Variants in DLGAP2 observed in about 807,000 individuals in gnomAD.
DLGAP2 encodes disks large-associated protein 2.
A neutral mutation model predicts 100.3 loss-of-function variants in DLGAP2; 26 were observed. That is an observed-to-expected ratio of 0.26 (90% CI 0.19 to 0.36). DLGAP2 has a LOEUF of 0.36. Ranked by LOEUF, DLGAP2 falls within the 10% of genes least tolerant of loss-of-function variation. The pLI is 1.00. For missense variants in DLGAP2, 1,858 were observed against 1,453.2 expected (o/e 1.28, Z -4.53); for synonymous variants, 886 against 630.1 (o/e 1.41, Z -6.08).
At chr8:1,302,875 G>A (rs1175473959) in intron 3 of DLGAP2, among the ~76,000 whole-genome samples, 2 of 152,246 alleles carry the variant, frequency 1.3e-5, no homozygotes, top group Non-Finnish European at 2.9e-5. Flanking sequence ...CAGCGCTTAG[G>A]TACTTTCCAA....
intron 3 of DLGAP2, among the ~76,000 whole-genome samples, chr8:1,315,161 A>G (rs1235240631): frequency 2.0e-5 from 3 of 152,248 alleles, no homozygotes; most frequent in Non-Finnish European, 4.4e-5. Context: ...GAAAGTCAAG[A>G]AATAACTTGC....
At chr8:1,443,324 T>A (rs1797892714) in intron 3 of DLGAP2, among the ~76,000 whole-genome samples, 1 of 152,190 alleles carries the variant, frequency 6.6e-6, no homozygotes, top group Admixed American at 6.5e-5. Context: ...CATTTGGATG[T>A]TAATACTTCC....
intron 1 of DLGAP2, among the ~76,000 whole-genome samples, chr8:868,178 T>C (rs1797532982): frequency 6.6e-6 from 1 of 152,104 alleles, no homozygotes; most frequent in South Asian, 2.1e-4. Flanking sequence ...GAGTAAAGGG[T>C]TTATGAGAGG....
intron 2 of DLGAP2, among the ~76,000 whole-genome samples, chr8:1,196,739 T>C (rs1797760542): frequency 6.6e-6 from 1 of 152,182 alleles, no homozygotes; most frequent in Non-Finnish European, 1.5e-5. Context: ...CTCCAGTAGC[T>C]GCAGTAGGAG....
intron 2 of DLGAP2, among the ~76,000 whole-genome samples, chr8:1,165,046 G>A (rs968200181): frequency 3.9e-5 from 6 of 151,964 alleles, no homozygotes; most frequent in Non-Finnish European, 5.9e-5. Context: ...CCGGGGTCCT[G>A]GCTAAAGATT....
intron 3 of DLGAP2, among the ~76,000 whole-genome samples, chr8:1,413,799 A>C (rs1796800324): frequency 6.6e-6 from 1 of 152,282 alleles, no homozygotes; most frequent in Non-Finnish European, 1.5e-5. Context: ...AAGCTCCATC[A>C]GTGCACACAC....
intron 4 of DLGAP2, among the ~76,000 whole-genome samples, chr8:1,508,056 C>T (rs933970765): frequency 3.9e-5 from 6 of 151,920 alleles, no homozygotes; most frequent in Non-Finnish European, 8.8e-5. Flanking sequence ...GAAAGCTCAC[C>T]AGGGCACACT....
At chr8:912,226 G>T (rs1025268309) in intron 2 of DLGAP2, among the ~76,000 whole-genome samples, 3 of 152,158 alleles carry the variant, frequency 2.0e-5, no homozygotes, top group African/African-American at 7.2e-5. Context: ...CAAGCATGCG[G>T]GAGTACTATG....
In DLGAP2 at chr8:885,789, G is replaced by C. The variant is rs1036958429; in HGVS notation, c.19-22123G>C. On this transcript the variant is annotated intron_variant, in intron 1 of 14. Transcript: ENST00000637795. ...TAAATAGCTCATTATTTTGAGATAT[G>C]TTCCTTCAATACCTAGTTTATTGAG... Among the ~76,000 whole-genome samples, 10 of 152,122 alleles carry C rather than the reference G, an allele frequency of 6.6e-5. No homozygotes were observed. In the East Asian group the frequency reaches 1.5e-3, roughly 23 times the overall value.
At chr8:1,517,635 TA>T (rs1038893600) in intron 4 of DLGAP2, among the ~76,000 whole-genome samples, 4 of 152,110 alleles carry the variant, frequency 2.6e-5, no homozygotes, top group African/African-American at 9.7e-5. Flanking sequence ...ACACACCTGC[TA>T]AAATGCACCA....
intron 1 of DLGAP2, among the ~76,000 whole-genome samples, chr8:786,135 GC>G (rs770543923): frequency 2.0e-5 from 3 of 152,198 alleles, no homozygotes; most frequent in Non-Finnish European, 4.4e-5. Context: ...GCTCAGCTGG[GC>G]CGGCGCAGGG....
intron 1 of DLGAP2, among the ~76,000 whole-genome samples, chr8:769,810 G>T (rs1049758179): frequency 6.6e-6 from 1 of 152,068 alleles, no homozygotes; most frequent in Admixed American, 6.6e-5. Flanking sequence ...AAGCCACATT[G>T]TATGCATCCA....
Position 1,549,520 on chromosome 8 carries a change from G to A in DLGAP2, c.1067G>A (p.Gly356Glu), listed in dbSNP as rs750706691. 9.3e-6 allele frequency: 15 copies of A among 1,613,302 alleles called. No individual in the cohort carries two copies. Among genetic ancestry groups the A allele is most frequent in the Non-Finnish European group, 6.8e-6 (8 of 1,179,858 alleles). The stretch of plus-strand genomic sequence containing the variant: ...GACGTCAAGTGCTCGGCCTGTGAGG[G>A]GTTGGCGCTGACGCCCGACGCCAAG... Reference protein sequence around the residue: ...NNDVKCSACEGLALTPDAKYL... With the variant: ...NNDVKCSACEELALTPDAKYL... The change falls in exon 5 of 15, where the codon GGG becomes GAG. Residue 356 changes from glycine to glutamate, a missense_variant. By Grantham distance (98) the Gly-to-Glu change is moderately conservative (BLOSUM62 -2). Coordinates refer to ENST00000637795, the MANE Select transcript of DLGAP2 (RefSeq NM_001346810.2).
At chr8:807,092 G>A (rs1481560997) in intron 1 of DLGAP2, among the ~76,000 whole-genome samples, 1 of 152,204 alleles carries the variant, frequency 6.6e-6, no homozygotes, top group Admixed American at 6.5e-5. Flanking sequence ...ATTCTGCCAC[G>A]CACTTCTGTA....
intron 2 of DLGAP2, among the ~76,000 whole-genome samples, chr8:1,033,625 A>G (rs1802034897): frequency 1.3e-5 from 2 of 151,940 alleles, no homozygotes; most frequent in Admixed American, 6.6e-5. Flanking sequence ...CTGAGGTTAC[A>G]CTCTGCACTC....
chr8:975,169 C>G (rs1296254545), intron 2 of DLGAP2, among the ~76,000 whole-genome samples: 1 of 151,990 alleles, frequency 6.6e-6, no homozygotes, highest in Non-Finnish European at 1.5e-5. Flanking sequence ...GTTTGAAAAA[C>G]AAACCTGTCA....
At chr8:845,026 A>T (rs780108093) in intron 1 of DLGAP2, among the ~76,000 whole-genome samples, 2 of 152,350 alleles carry the variant, frequency 1.3e-5, no homozygotes, top group African/African-American at 2.4e-5. Flanking sequence ...GCTGAATGAC[A>T]TTCATTTGTA....
intron 4 of DLGAP2, among the ~76,000 whole-genome samples, chr8:1,531,767 G>C (rs182747136): frequency 1.3e-5 from 2 of 152,208 alleles, no homozygotes; most frequent in Admixed American, 1.3e-4. Flanking sequence ...TTCTCTCCTT[G>C]CATTGACTGG....
At chr8:1,629,515 C>T (rs1440588905) in intron 7 of DLGAP2, among the ~76,000 whole-genome samples, 1 of 152,170 alleles carries the variant, frequency 6.6e-6, no homozygotes, top group East Asian at 1.9e-4. Context: ...TCTATTTCAG[C>T]ATAAAGTCCA....
Sources: gnomAD v4.1 joint callset for allele counts (sites outside exome capture counted in the v4.1 genomes callset) on GRCh38, gnomAD v4.1.1 for gene constraint, MANE v1.5 for transcripts, NCBI Gene and HGNC (gene_info 2026-07-23, HGNC 2026-07-21) for gene names.